Variants in CNBP observed in about 807,000 individuals in gnomAD.
The protein encoded by CNBP is cellular nucleic acid-binding protein.
CNBP carries 6 observed loss-of-function variants against 21.2 expected under a neutral mutation model. The ratio of observed to expected loss-of-function variants is 0.28; its 90% CI spans 0.16 to 0.56. CNBP has a LOEUF of 0.56. Among genes scored for constraint, CNBP ranks in the 20% least tolerant of loss-of-function variants. The pLI is 0.93. For missense variants in CNBP, 112 were observed against 233.1 expected (o/e 0.48, Z 3.38); for synonymous variants, 61 against 74.9 (o/e 0.81, Z 0.96).
In CNBP at chr3:129,170,098, C is replaced by T. The variant is rs1317429091; in HGVS notation, c.*355G>A. The T allele has an allele frequency of 3.6e-6, 1 of 281,100 alleles. No individual in the cohort carries two copies. The highest frequency in any genetic ancestry group is 6.9e-6 in the Non-Finnish European group (1 of 145,958). 17.4% of individuals were successfully genotyped at this position (281,100 alleles called of 1,614,324 possible). ...AAAGTTATTTATGGAAGTTCATAGA[C>T]ACTTCCAGAATTGGTTTTACCTCCT... On this transcript the variant is annotated 3_prime_UTR_variant, in exon 5 of 5. Coordinates refer to ENST00000422453, the MANE Select transcript of CNBP (RefSeq NM_003418.5).
At chr3:129,180,913 G>A (rs967855196) in intron 1 of CNBP, among the ~76,000 whole-genome samples, 8 of 151,874 alleles carry the variant, frequency 5.3e-5, no homozygotes, top group South Asian at 4.2e-4. Flanking sequence ...TCCCATATAC[G>A]TGCCACATAT....
chr3:129,172,270 G>A (rs950900515), intron 1 of CNBP, among the ~76,000 whole-genome samples: 4 of 151,678 alleles, frequency 2.6e-5, no homozygotes, highest in Non-Finnish European at 4.4e-5. Context: ...TAGGGTCAAT[G>A]AAAATCCATT....
intron 1 of CNBP, among the ~76,000 whole-genome samples, chr3:129,172,687 GACAGACAGACACACACACAC>G (rs1937631408): frequency 2.1e-5 from 2 of 94,204 alleles, no homozygotes; most frequent in African/African-American, 7.7e-5. Context: ...CAGACAGACA[GACAGACAGACACACACACAC>G]ACACACACAC....
intron 1 of CNBP, among the ~76,000 whole-genome samples, chr3:129,174,916 G>A (rs1474988954): frequency 6.6e-6 from 1 of 152,052 alleles, no homozygotes; most frequent in Non-Finnish European, 1.5e-5. Flanking sequence ...ACAAAACAAG[G>A]ATGGGCACAG....
At position 129,169,829 on chromosome 3, in the gene CNBP, A is replaced by G. The variant is rs890043713; in HGVS notation, c.*624T>C. ...CTCTGGGTTTTAGATTTAGTCTTTG[A>G]AAATAATGTGTTCTAAACCTTTGCC... On this transcript the variant is annotated 3_prime_UTR_variant, in exon 5 of 5. Coordinates refer to ENST00000422453, the MANE Select transcript of CNBP (RefSeq NM_003418.5). 17 of 227,006 alleles carry G rather than the reference A, an allele frequency of 7.5e-5. No individual in the cohort carries two copies. The highest frequency in any genetic ancestry group is 1.2e-4 in the Non-Finnish European group (14 of 114,062). The allele number at this position is 227,006 out of a possible 1,614,324, so 14.1% of individuals were successfully genotyped here.
chr3:129,169,371 G>C lies in CNBP; in HGVS notation c.*1082C>G, dbSNP rs1937529700. 1 of 193,204 alleles carries C rather than the reference G, an allele frequency of 5.2e-6. No individual in the cohort carries two copies. The highest frequency in any genetic ancestry group is 6.1e-5 in the Admixed American group (1 of 16,344). The allele number at this position is 193,204 out of a possible 1,614,324, so 12.0% of individuals were successfully genotyped here. Reference sequence around the variant, plus strand: ...GGGCATTATTATAACAGATTACAAAGTGAATTTTCTATAGCTTTGCAAAAG... The same window carrying C: ...GGGCATTATTATAACAGATTACAAACTGAATTTTCTATAGCTTTGCAAAAG... On this transcript the variant is annotated 3_prime_UTR_variant, in exon 5 of 5. Coordinates refer to ENST00000422453, the MANE Select transcript of CNBP (RefSeq NM_003418.5).
chr3:129,183,811 T>A lies in CNBP; in HGVS notation c.-50A>T, dbSNP rs1216658089. ...GGAGCGGGCCCGCAGCGGCGGAGACTCGGACGCAGGCCTGGGGAAGACGGC... is the reference window on the plus strand; with the variant it reads ...GGAGCGGGCCCGCAGCGGCGGAGACACGGACGCAGGCCTGGGGAAGACGGC... On this transcript the variant is annotated 5_prime_UTR_variant, in exon 1 of 5. Coordinates refer to ENST00000422453, the MANE Select transcript of CNBP (RefSeq NM_003418.5). The A allele has an allele frequency of 2.0e-5, 3 of 152,880 alleles. No individual in the cohort carries two copies. Among genetic ancestry groups the A allele is most frequent in the African/African-American group, 7.2e-5 (3 of 41,466 alleles). The allele number at this position is 152,880 out of a possible 1,614,324, so 9.5% of individuals were successfully genotyped here. A position where few individuals can be genotyped will look rare whatever the true frequency, so the allele number is the denominator to read the frequency against.
chr3:129,177,889 G>A (rs1374375077), intron 1 of CNBP, among the ~76,000 whole-genome samples: 5 of 152,172 alleles, frequency 3.3e-5, no homozygotes, highest in African/African-American at 4.8e-5. Flanking sequence ...GCCGGGCGGG[G>A]TGGCCCACAC....
At chr3:129,183,710 C>G (rs1480807834) in intron 1 of CNBP, 66 bp downstream of exon 1, 1 of 152,824 alleles carries the variant, frequency 6.5e-6, no homozygotes, top group Non-Finnish European at 1.5e-5. Flanking sequence ...CCTACCCTCT[C>G]TGTCCGCCAC....
rs769536667 is a variant in CNBP at position 129,171,512 on chromosome 3, G to T, written c.151C>A (p.Pro51Thr). The T allele has an allele frequency of 6.2e-7, 1 of 1,614,076 alleles. No individual in the cohort carries two copies. The highest frequency in any genetic ancestry group is 1.3e-5 in the African/African-American group (1 of 75,054). The change falls in exon 3 of 5, where the codon CCA (proline) becomes ACA (threonine). Residue 51 changes from proline to threonine, a missense_variant. Coordinates refer to ENST00000422453, the MANE Select transcript of CNBP (RefSeq NM_003418.5). The stretch of plus-strand genomic sequence containing the variant: ...TCACCACAGCGATAACAAATGTCTG[G>T]AAGAGACGAGGAAACAAACTGGAAA... ...RGFQFVSSSL[P>T]DICYRCGESG...
chr3:129,179,538 C>T (rs1036333653), intron 1 of CNBP, among the ~76,000 whole-genome samples: 2 of 152,198 alleles, frequency 1.3e-5, no homozygotes, highest in South Asian at 4.1e-4. Context: ...TACAACCTCA[C>T]GAGTTATGTA....
In CNBP at chr3:129,169,681, A is replaced by C. The variant is rs1937534481; in HGVS notation, c.*772T>G. 9.4e-6 allele frequency: 2 copies of C among 212,830 alleles called. No homozygotes were observed. Among genetic ancestry groups the C allele is most frequent in the South Asian group, 3.7e-4 (2 of 5,348 alleles). The allele number at this position is 212,830 out of a possible 1,614,324, so 13.2% of individuals were successfully genotyped here. ...TGACTTTTAAAAACTGATTACAGCA[A>C]ATGAAACACAGTTGTCTAAGTGATA... is the stretch of plus-strand genomic sequence containing the variant. On this transcript the variant is annotated 3_prime_UTR_variant, in exon 5 of 5. Transcript: ENST00000422453.
chr3:129,170,708 A>G (rs1287957200), intron 4 of CNBP, 138 bp from the exon 5 acceptor site: 2 of 684,932 alleles, frequency 2.9e-6, no homozygotes, highest in Non-Finnish European at 5.1e-6. Context: ...ATATGTACAC[A>G]ACAACATTTA....
chr3:129,179,843 T>C (rs1264867718), intron 1 of CNBP, among the ~76,000 whole-genome samples: 2 of 151,532 alleles, frequency 1.3e-5, no homozygotes, highest in African/African-American at 4.9e-5. Flanking sequence ...CAAAAAAAAC[T>C]AAAAAAACAA....
At chr3:129,178,749 ATTTT>A (rs538954518) in intron 1 of CNBP, among the ~76,000 whole-genome samples, 1 of 144,766 alleles carries the variant, frequency 6.9e-6, no homozygotes, top group Non-Finnish European at 1.5e-5. Context: ...AACACTTCAG[ATTTT>A]TTTTTTTTTT....
intron 1 of CNBP, among the ~76,000 whole-genome samples, chr3:129,178,853 C>T (rs1331112680): frequency 6.6e-6 from 1 of 152,090 alleles, no homozygotes; most frequent in Non-Finnish European, 1.5e-5. Flanking sequence ...CCCCATTCTC[C>T]TGCCTCAACC....
At chr3:129,170,651 A>T (rs1367547769) in intron 4 of CNBP, 81 bp from the exon 5 acceptor site, 5 of 1,055,394 alleles carry the variant, frequency 4.7e-6, no homozygotes, top group African/African-American at 1.6e-5. Flanking sequence ...TGCAGAACAA[A>T]ACGCCTGATC....
Position 129,167,863 on chromosome 3 carries a change from GACAT to G in CNBP, c.*2586_*2589del, listed in dbSNP as rs1471086704. Among the ~76,000 whole-genome samples the G allele has an allele frequency of 1.3e-5, 2 of 152,202 alleles. No homozygotes were observed. The highest frequency in any genetic ancestry group is 2.9e-5 in the Non-Finnish European group (2 of 68,034). ...AGATATTTATTGTGTTAACATGTGA[GACAT>G]ACAATTTGCTCAGTAAAAATAGCAC... On this transcript the variant is annotated 3_prime_UTR_variant, in exon 5 of 5. Transcript: ENST00000422453.
Sources: gnomAD v4.1 joint callset for allele counts (sites outside exome capture counted in the v4.1 genomes callset) on GRCh38, gnomAD v4.1.1 for gene constraint, MANE v1.5 for transcripts, NCBI Gene and HGNC (gene_info 2026-07-23, HGNC 2026-07-21) for gene names.